The following STK33 variants were observed in gnomAD, a reference collection of about 807,000 sequenced individuals.
The protein encoded by STK33 is serine/threonine kinase 33, also known as serine/threonine-protein kinase 33.
Under a neutral mutation model 58.0 loss-of-function variants are expected in STK33, and 52 were observed. That is an observed-to-expected ratio of 0.90 (90% CI 0.72 to 1.13). STK33 has a LOEUF of 1.13. Among genes scored for constraint, STK33 ranks in the 50% most tolerant of loss-of-function variants. The pLI, the probability that STK33 is intolerant of heterozygous loss-of-function variation, is 0.00. For missense variants in STK33, 630 were observed against 604.2 expected, an observed-to-expected ratio of 1.04 and a Z score of -0.45; for synonymous variants, 215 against 200.1, an observed-to-expected ratio of 1.07 and a Z score of -0.63.
chr11:8,522,549 A>C (rs549694395), intron 1 of STK33, among the ~76,000 whole-genome samples: 4 of 152,192 alleles, frequency 2.6e-5, no homozygotes, highest in Admixed American at 1.3e-4. Context: ...AAGAAATGAA[A>C]GTGTAACATT....
the STK33 span, among the ~76,000 whole-genome samples, chr11:8,358,564 A>G: frequency 6.6e-6 from 1 of 152,098 alleles, no homozygotes; most frequent in Non-Finnish European, 1.5e-5. Context: ...TGGAGGGTGA[A>G]GAGATGGTTG....
intron 11 of STK33, among the ~76,000 whole-genome samples, chr11:8,446,299 A>C (rs7108120): frequency 0.15 from 22,492 of 151,738 alleles, 2,212 homozygotes; most frequent in African/African-American, 0.29. Flanking sequence ...AGTAGTCTAT[A>C]TATTTTGTTA....
chr11:8,473,474 G>A (rs7931604), intron 5 of STK33, among the ~76,000 whole-genome samples, 198 bp from the exon 6 acceptor site: 3 of 151,810 alleles, frequency 2.0e-5, no homozygotes, highest in Non-Finnish European at 4.4e-5. Flanking sequence ...ACCTTAAGAA[G>A]ATATTCAATC....
At chr11:8,439,037 G>C (rs1185648756) in intron 12 of STK33, among the ~76,000 whole-genome samples, 10 of 152,098 alleles carry the variant, frequency 6.6e-5, no homozygotes, top group African/African-American at 2.4e-4. Context: ...TCAATATTTA[G>C]AAATGATCTG....
intron 15 of STK33, among the ~76,000 whole-genome samples, chr11:8,400,068 G>C (rs1184867533): frequency 6.6e-6 from 1 of 152,182 alleles, no homozygotes; most frequent in Non-Finnish European, 1.5e-5. Context: ...CATTCCTTCT[G>C]AAACTATTCC....
chr11:8,526,535 A>T (rs563522403), intron 1 of STK33, among the ~76,000 whole-genome samples: 11 of 152,178 alleles, frequency 7.2e-5, no homozygotes, highest in Non-Finnish European at 1.5e-4. Flanking sequence ...AAGTCTGCAG[A>T]TGTGCTCCAA....
At position 8,392,680 on chromosome 11, in the gene STK33, T is replaced by C. The variant is rs1433497627; in HGVS notation, c.1375A>G (p.Thr459Ala). The change falls in exon 16 of 16, where the codon ACC (threonine) becomes GCC (alanine). Residue 459 changes from threonine to alanine, a missense_variant. Thr to Ala is a moderately conservative substitution (Grantham distance 58, BLOSUM62 0). Coordinates refer to ENST00000687296, the MANE Select transcript of STK33 (RefSeq NM_001352389.2). The stretch of plus-strand genomic sequence containing the variant: ...CACATATCAAAGTTGTCCTTACTGG[T>C]TGCAGGAAATTGCTTTTCATAAGCA... Reference protein sequence around the residue: ...STAYEKQFPATSKDNFDMCSS... With the variant: ...STAYEKQFPAASKDNFDMCSS... 2.5e-6 allele frequency: 4 copies of C among 1,614,106 alleles called. No homozygotes were observed. The African/African-American group carries it at 5.3e-5, about 22-fold the overall frequency.
At chr11:8,573,078 A>C (rs1356404830) in intron 1 of STK33, among the ~76,000 whole-genome samples, 1 of 152,164 alleles carries the variant, frequency 6.6e-6, no homozygotes, top group Non-Finnish European at 1.5e-5. Flanking sequence ...AAAACAGATA[A>C]AAAGGAAAAA....
the STK33 span, among the ~76,000 whole-genome samples, chr11:8,359,155 G>A: frequency 6.6e-6 from 1 of 152,230 alleles, no homozygotes; most frequent in Admixed American, 6.5e-5. Flanking sequence ...AGAGGAACAT[G>A]ACAACTGAGT....
At chr11:8,510,452 G>T (rs1952223103) in intron 1 of STK33, among the ~76,000 whole-genome samples, 1 of 152,102 alleles carries the variant, frequency 6.6e-6, no homozygotes, top group African/African-American at 2.4e-5. Flanking sequence ...TCTGTGGGTT[G>T]TCTGTTTACT....
intron 1 of STK33, among the ~76,000 whole-genome samples, chr11:8,493,183 C>G (rs1441076725): frequency 6.6e-6 from 1 of 151,618 alleles, no homozygotes; most frequent in Non-Finnish European, 1.5e-5. Flanking sequence ...AAGATCAACA[C>G]AATTGATGGA....
At chr11:8,481,197 G>A (rs1949765940) in intron 1 of STK33, among the ~76,000 whole-genome samples, 1 of 152,064 alleles carries the variant, frequency 6.6e-6, no homozygotes, top group Non-Finnish European at 1.5e-5. Flanking sequence ...ACAATCGAAG[G>A]GTCCAGGCAA....
At chr11:8,408,919 A>G (rs1034126408) in intron 15 of STK33, among the ~76,000 whole-genome samples, 2 of 152,212 alleles carry the variant, frequency 1.3e-5, no homozygotes, top group Admixed American at 6.5e-5. Context: ...CAACCATGGA[A>G]GCCCATTGGA....
chr11:8,564,846 G>A (rs1295999436), intron 1 of STK33, among the ~76,000 whole-genome samples: 3 of 152,190 alleles, frequency 2.0e-5, no homozygotes, highest in African/African-American at 7.2e-5. Context: ...TTTAGGAGAA[G>A]AAAGCTGACA....
At position 8,493,478 on chromosome 11, in the gene STK33, C is replaced by A. The variant is rs575020443; in HGVS notation, c.-465-12864G>T. The stretch of plus-strand genomic sequence containing the variant: ...AAACAGCCTACCAACCAAAAAATGT[C>A]CAGGACCAGACGGATTCACAGTGGA... On this transcript the variant is annotated intron_variant, in intron 1 of 15. Coordinates refer to ENST00000687296, the MANE Select transcript of STK33 (RefSeq NM_001352389.2). 2.9e-4 allele frequency among the ~76,000 whole-genome samples: 44 copies of A among 152,216 alleles called. No individual in the cohort carries two copies. The South Asian group carries it at 9.1e-3, about 32-fold the overall frequency.
chr11:8,547,672 G>A (rs1342270231), intron 1 of STK33, among the ~76,000 whole-genome samples: 2 of 152,152 alleles, frequency 1.3e-5, no homozygotes, highest in Non-Finnish European at 2.9e-5. Context: ...CATTCTGTAG[G>A]TTGTTGCTTC....
the STK33 span, among the ~76,000 whole-genome samples, chr11:8,349,633 A>G: frequency 6.6e-6 from 1 of 152,198 alleles, no homozygotes; most frequent in African/African-American, 2.4e-5. Flanking sequence ...TCTGGAGTTG[A>G]CATCCCTGGG....
chr11:8,481,175 A>G (rs1949763142), intron 1 of STK33, among the ~76,000 whole-genome samples: 1 of 152,178 alleles, frequency 6.6e-6, no homozygotes, highest in South Asian at 2.1e-4. Flanking sequence ...ATCACTTTCA[A>G]GGGTTGAAAG....
chr11:8,416,037 G>A (rs1003030089), intron 14 of STK33, among the ~76,000 whole-genome samples: 1 of 152,182 alleles, frequency 6.6e-6, no homozygotes, highest in Non-Finnish European at 1.5e-5. Flanking sequence ...GGCTGTTGGT[G>A]ATTAGACATT....
Sources: gnomAD v4.1 joint callset for allele counts (sites outside exome capture counted in the v4.1 genomes callset) on GRCh38, gnomAD v4.1.1 for gene constraint, MANE v1.5 for transcripts, NCBI Gene and HGNC (gene_info 2026-07-23, HGNC 2026-07-21) for gene names.